SHROOM3: variants seen among roughly 807,000 people sequenced by gnomAD.
SHROOM3 encodes the protein protein Shroom3.
SHROOM3 carries 47 observed loss-of-function variants against 138.6 expected under a neutral mutation model. The ratio of observed to expected loss-of-function variants is 0.34; its 90% CI spans 0.27 to 0.43. SHROOM3 has a LOEUF of 0.43. Ranked by LOEUF, SHROOM3 falls within the 20% of genes least tolerant of loss-of-function variation. The probability of loss-of-function intolerance (pLI) is 1.00; values close to 1 mark genes in which losing one functional copy is unlikely to be tolerated. For synonymous variants in SHROOM3, 1,062 were observed against 1,063.3 expected (o/e 1.00, Z 0.02); for missense variants, 2,491 against 2,596.5 (o/e 0.96, Z 0.88).
chr4:76,695,252 T>C (rs912574326), intron 2 of SHROOM3, among the ~76,000 whole-genome samples: 4 of 152,204 alleles, frequency 2.6e-5, no homozygotes, highest in Non-Finnish European at 4.4e-5. Context: ...CTCTCTGACA[T>C]TGTCCGTTGC....
chr4:76,646,247 T>TATATATATATATATATATATATAA (rs1355216659), intron 2 of SHROOM3, among the ~76,000 whole-genome samples: 1 of 140,764 alleles, frequency 7.1e-6, no homozygotes, highest in African/African-American at 2.6e-5. Context: ...TATATATATA[T>TATATATATATATATATATATATAA]AAAATTAAAA....
chr4:76,652,701 A>G (rs1011169670), intron 2 of SHROOM3, among the ~76,000 whole-genome samples: 1 of 152,068 alleles, frequency 6.6e-6, no homozygotes, highest in Non-Finnish European at 1.5e-5. Context: ...AGGGTATTCC[A>G]GGTTATGAGT....
At chr4:76,476,950 C>T (rs72657879) in intron 1 of SHROOM3, among the ~76,000 whole-genome samples, 5,220 of 152,176 alleles carry the variant, frequency 0.034, 100 homozygotes, top group Middle Eastern at 0.071. Context: ...TGAACTATAT[C>T]TTAACTAGTT....
At chr4:76,533,966 G>A (rs1732886202) in intron 1 of SHROOM3, among the ~76,000 whole-genome samples, 1 of 152,098 alleles carries the variant, frequency 6.6e-6, no homozygotes, top group South Asian at 2.1e-4. Context: ...ATGACCCTGG[G>A]TAGGACAAAG....
intron 1 of SHROOM3, among the ~76,000 whole-genome samples, chr4:76,501,899 G>C (rs889112019): frequency 6.6e-6 from 1 of 152,072 alleles, no homozygotes; most frequent in Non-Finnish European, 1.5e-5. Context: ...ATTATATCCA[G>C]TAAACATAAG....
At chr4:76,707,705 G>A (rs900658271) in intron 2 of SHROOM3, among the ~76,000 whole-genome samples, 2 of 152,082 alleles carry the variant, frequency 1.3e-5, no homozygotes, top group Non-Finnish European at 2.9e-5. Context: ...ACAATTCCAG[G>A]GCCCTGGTTT....
chr4:76,547,499 T>C (rs926269311), intron 1 of SHROOM3, among the ~76,000 whole-genome samples: 1 of 152,190 alleles, frequency 6.6e-6, no homozygotes, highest in Non-Finnish European at 1.5e-5. Context: ...ATGCAATAAA[T>C]AGTGGGCACT....
rs375129653 is a variant in SHROOM3 at position 76,754,296 on chromosome 4, T to C, written c.3828-15T>C. Reference sequence around the variant, plus strand: ...TCTTCAGAGCTGTAACCCTCCTGTCTGTGTGCCGTTCCAGGTCACTCAGTT... The same window carrying C: ...TCTTCAGAGCTGTAACCCTCCTGTCCGTGTGCCGTTCCAGGTCACTCAGTT... On this transcript the variant is annotated splice_polypyrimidine_tract_variant and intron_variant, in intron 6 of 10. Transcript: ENST00000296043. 4.3e-6 allele frequency: 7 copies of C among 1,614,012 alleles called. No homozygotes were observed. The highest frequency in any genetic ancestry group is 1.6e-4 in the Middle Eastern group (1 of 6,084).
chr4:76,658,670 A>ATG (rs990442642), intron 2 of SHROOM3, among the ~76,000 whole-genome samples: 2 of 151,896 alleles, frequency 1.3e-5, no homozygotes, highest in African/African-American at 4.8e-5. Flanking sequence ...CCATGTGTGT[A>ATG]TGTGTGTGTG....
chr4:76,582,833 T>A (rs114160084), intron 2 of SHROOM3, among the ~76,000 whole-genome samples: 2,227 of 152,244 alleles, frequency 0.015, 50 homozygotes, highest in African/African-American at 0.051. Flanking sequence ...CACGTGCTAA[T>A]CAGTGGCAGA....
chr4:76,482,403 C>G (rs1015802904), intron 1 of SHROOM3, among the ~76,000 whole-genome samples: 1 of 152,110 alleles, frequency 6.6e-6, no homozygotes, highest in African/African-American at 2.4e-5. Context: ...ATCCCATTCA[C>G]AATTGCTACA....
In SHROOM3 at chr4:76,469,048, A is replaced by C. The variant is rs555395387; in HGVS notation, c.168+32828A>C. ...GATTCCATCTCCAAAAAAAAAAAAA[A>C]AAAATTAGCCGGACATGGTGGTGTA... On this transcript the variant is annotated intron_variant, in intron 1 of 10. Coordinates refer to ENST00000296043, the MANE Select transcript of SHROOM3 (RefSeq NM_020859.4). Among the ~76,000 whole-genome samples, 3 of 151,784 alleles carry C rather than the reference A, an allele frequency of 2.0e-5. No individual in the cohort carries two copies. The East Asian group carries it at 5.8e-4, about 29-fold the overall frequency.
intron 2 of SHROOM3, chr4:76,586,361 G>C: frequency 1.0e-6 from 1 of 985,730 alleles, no homozygotes; most frequent in Non-Finnish European, 1.2e-6. Flanking sequence ...CCTCCCCCAA[G>C]CCACCAAGCC....
In SHROOM3 at chr4:76,435,971, G is replaced by A; in HGVS notation, c.-82G>A. The A allele has an allele frequency of 6.7e-7, 1 of 1,491,148 alleles. No individual in the cohort carries two copies. Among genetic ancestry groups the A allele is most frequent in the African/African-American group, 1.4e-5 (1 of 72,306 alleles). 92.4% of individuals were successfully genotyped at this position (1,491,148 alleles called of 1,614,324 possible). ...GGCCATTGTGTGTCCTGAAGGATGGGACAACTTGTGCTGTAGAAGCACTGC... is the reference window on the plus strand; with the variant it reads ...GGCCATTGTGTGTCCTGAAGGATGGAACAACTTGTGCTGTAGAAGCACTGC... On this transcript the variant is annotated 5_prime_UTR_variant, in exon 1 of 11. Transcript: ENST00000296043.
intron 1 of SHROOM3, among the ~76,000 whole-genome samples, chr4:76,502,724 T>C (rs34870364): frequency 0.18 from 26,804 of 152,192 alleles, 2,743 homozygotes; most frequent in African/African-American, 0.27. Flanking sequence ...TACAATATCA[T>C]AAGAATGTTT....
chr4:76,678,005 T>C (rs1408044596), intron 2 of SHROOM3, among the ~76,000 whole-genome samples: 1 of 152,214 alleles, frequency 6.6e-6, no homozygotes, highest in Admixed American at 6.5e-5. Context: ...TGAAGAGTTA[T>C]CGTGGTGGTT....
chr4:76,593,247 G>T (rs1030984594), intron 2 of SHROOM3, among the ~76,000 whole-genome samples: 4 of 152,190 alleles, frequency 2.6e-5, no homozygotes, highest in Non-Finnish European at 5.9e-5. Flanking sequence ...TGCTTCAGGA[G>T]AGGCTGATTA....
chr4:76,770,286 T>C (rs1459128904), intron 9 of SHROOM3, among the ~76,000 whole-genome samples: 2 of 134,666 alleles, frequency 1.5e-5, no homozygotes, highest in Non-Finnish European at 3.0e-5. Flanking sequence ...ATTGAACCAT[T>C]GTACTCCAGC....
chr4:76,438,636 G>A (rs11737407), intron 1 of SHROOM3, among the ~76,000 whole-genome samples: 23,922 of 151,976 alleles, frequency 0.16, 1,928 homozygotes, highest in South Asian at 0.23. Flanking sequence ...GTTGAGTTCC[G>A]TGGTCTCCCT....
Sources: allele counts gnomAD v4.1 joint callset (sites outside exome capture counted in the v4.1 genomes callset), GRCh38; gene constraint gnomAD v4.1.1; transcripts MANE v1.5; gene names NCBI Gene and HGNC (gene_info 2026-07-23, HGNC 2026-07-21).